HSD17B4: variants seen among roughly 807,000 people sequenced by gnomAD.
The protein encoded by HSD17B4 is peroxisomal multifunctional enzyme type 2.
In HSD17B4, 70 loss-of-function variants were observed where a neutral mutation model predicts 101.0. The observed-to-expected ratio is 0.69, with a 90% CI of 0.57 to 0.85. The LOEUF (loss-of-function observed/expected upper bound fraction) is 0.85. HSD17B4 is among the 40% of genes least tolerant of loss of function. The pLI, the probability that HSD17B4 is intolerant of heterozygous loss-of-function variation, is 0.00. For missense variants in HSD17B4, 984 were observed against 892.4 expected (o/e 1.10, Z -1.31); for synonymous variants, 347 against 297.1 (o/e 1.17, Z -1.73).
At chr5:119,533,959 A>G (rs1754333249) in intron 22 of HSD17B4, among the ~76,000 whole-genome samples, 1 of 151,922 alleles carries the variant, frequency 6.6e-6, no homozygotes, top group African/African-American at 2.4e-5. Context: ...TTTTAGGCAA[A>G]GACAATCCTA....
chr5:119,499,643 G>A (rs1396752783), intron 13 of HSD17B4, 90 bp downstream of exon 13: 1 of 727,070 alleles, frequency 1.4e-6, no homozygotes, highest in Non-Finnish European at 2.4e-6. Context: ...TGTGTGTAGT[G>A]TGTGTATATA....
At chr5:119,506,681 G>T (rs2126806011) in intron 14 of HSD17B4, 137 bp from the exon 15 acceptor site, 2 of 558,186 alleles carry the variant, frequency 3.6e-6, no homozygotes, top group East Asian at 6.9e-5. Flanking sequence ...AGCATCTGTT[G>T]TTCAGGAACA....
At chr5:119,500,710 A>C (rs1370833594) in intron 13 of HSD17B4, among the ~76,000 whole-genome samples, 2 of 152,228 alleles carry the variant, frequency 1.3e-5, no homozygotes, top group East Asian at 3.9e-4. Flanking sequence ...TTGAGAGGGT[A>C]AAGAGATACA....
At position 119,536,462 on chromosome 5, in the gene HSD17B4, G is replaced by A. The variant is rs1456658488; in HGVS notation, c.2033G>A (p.Gly678Asp). The change falls in exon 23 of 24, where the codon GGC (glycine) becomes GAC (aspartate). Residue 678 changes from glycine (G) to aspartate (D), a missense_variant. Transcript: ENST00000510025. ...AGTGGTTCTGGAAAAGTGTACCAAG[G>A]CCCTGCAAAAGGTGCTGCTGATACA... The part of the protein sequence containing the change: ...LKSGSGKVYQ[G>D]PAKGAADTTI... The A allele has an allele frequency of 2.5e-6, 4 of 1,612,166 alleles. No individual in the cohort carries two copies. Among genetic ancestry groups the A allele is most frequent in the Non-Finnish European group, 3.4e-6 (4 of 1,178,642 alleles).
chr5:119,496,351 T>A (rs1252314071), intron 11 of HSD17B4, among the ~76,000 whole-genome samples, 192 bp from the exon 12 acceptor site: 4 of 152,202 alleles, frequency 2.6e-5, no homozygotes, highest in Non-Finnish European at 5.9e-5. Flanking sequence ...GTCCATTTAT[T>A]TTTGGCCTAT....
At chr5:119,482,255 T>C (rs1267183060) in intron 8 of HSD17B4, among the ~76,000 whole-genome samples, 1 of 152,084 alleles carries the variant, frequency 6.6e-6, no homozygotes, top group Admixed American at 6.5e-5. Flanking sequence ...AGGTCACTGA[T>C]TTTTTCTTCA....
intron 15 of HSD17B4, among the ~76,000 whole-genome samples, 194 bp downstream of exon 15, chr5:119,507,083 C>G (rs1751720595): frequency 6.6e-6 from 1 of 152,064 alleles, no homozygotes; most frequent in African/African-American, 2.4e-5. Context: ...TGGGCTTAGG[C>G]TGGGAAGGGT....
intron 6 of HSD17B4, among the ~76,000 whole-genome samples, chr5:119,476,940 G>A (rs951913992): frequency 2.6e-5 from 4 of 152,112 alleles, no homozygotes; most frequent in Non-Finnish European, 5.9e-5. Flanking sequence ...TGGTCTGTTC[G>A]TTAGATTGAA....
At chr5:119,529,866 A>T (rs1456165959) in intron 20 of HSD17B4, 28 bp from the exon 21 acceptor site, 2 of 1,307,018 alleles carry the variant, frequency 1.5e-6, no homozygotes, top group African/African-American at 1.5e-5. Context: ...AATCAGAATA[A>T]ATCTTTTTTT....
intron 17 of HSD17B4, 48 bp downstream of exon 17, chr5:119,515,094 C>T (rs1752498341): frequency 9.9e-7 from 1 of 1,014,412 alleles, no homozygotes; most frequent in South Asian, 1.3e-5. Context: ...GTTGATGACA[C>T]TTTTTAATTT....
intron 16 of HSD17B4, among the ~76,000 whole-genome samples, chr5:119,513,914 T>G (rs928831832): frequency 1.3e-5 from 2 of 152,178 alleles, no homozygotes; most frequent in Admixed American, 6.5e-5. Context: ...GTACTCAGAA[T>G]TTTTTAATTT....
chr5:119,482,331 G>C (rs575877016), intron 8 of HSD17B4, among the ~76,000 whole-genome samples: 3 of 151,714 alleles, frequency 2.0e-5, no homozygotes, highest in Admixed American at 2.0e-4. Flanking sequence ...TTATCTCTCT[G>C]CTTAAAGTAA....
In HSD17B4 at chr5:119,513,479, A is replaced by C. The variant is rs39971; in HGVS notation, c.1438-1502A>C. Among the ~76,000 whole-genome samples, 4 of 151,904 alleles carry C rather than the reference A, an allele frequency of 2.6e-5. No homozygotes were observed. The East Asian group carries it at 7.7e-4, about 29-fold the overall frequency. On this transcript the variant is annotated intron_variant, in intron 16 of 23. Transcript: ENST00000510025. ...GCTCACTGCAGCCTCTGCCTCCCAGACTCAGGTGATCCTCCTGCCTCAGCC... is the reference window on the plus strand; with the variant it reads ...GCTCACTGCAGCCTCTGCCTCCCAGCCTCAGGTGATCCTCCTGCCTCAGCC...
At chr5:119,539,922 C>CACAA (rs1754844039) in intron 23 of HSD17B4, among the ~76,000 whole-genome samples, 1 of 105,848 alleles carries the variant, frequency 9.4e-6, no homozygotes, top group African/African-American at 3.8e-5. Flanking sequence ...CTGTCTCTAC[C>CACAA]AAAAAAAAAA....
chr5:119,464,463 G>A (rs1755600697), intron 2 of HSD17B4, among the ~76,000 whole-genome samples: 1 of 152,072 alleles, frequency 6.6e-6, no homozygotes, highest in African/African-American at 2.4e-5. Context: ...CCCCACATAT[G>A]TTCTTGGCAC....
intron 20 of HSD17B4, among the ~76,000 whole-genome samples, chr5:119,529,643 C>G (rs1753887241): frequency 2.6e-5 from 4 of 151,960 alleles, no homozygotes; most frequent in Admixed American, 1.3e-4. Flanking sequence ...CATAGGGTTT[C>G]TTTGTTTGTT....
rs577106658 is a variant in HSD17B4 at position 119,478,055 on chromosome 5, C to G, written c.434+554C>G. On this transcript the variant is annotated intron_variant, in intron 7 of 23. Transcript: ENST00000510025. ...ATACACATTGAGGATTCGGTTATAC[C>G]TTATTCTGTAACCCGAATATTATTT... is the stretch of plus-strand genomic sequence containing the variant. 68 of 159,030 alleles carry G rather than the reference C, an allele frequency of 4.3e-4. 1 individual carries two copies. The highest frequency in any genetic ancestry group is 1.6e-3 in the African/African-American group (65 of 41,580). The allele number at this position is 159,030 out of a possible 1,614,324, so 9.9% of individuals were successfully genotyped here.
chr5:119,477,943 G>A (rs968971210), intron 7 of HSD17B4: 3 of 180,320 alleles, frequency 1.7e-5, no homozygotes, highest in African/African-American at 4.8e-5. Flanking sequence ...GGTAGAGACA[G>A]TATCTCGTTT....
At chr5:119,525,435 A>G in intron 18 of HSD17B4, 150 bp downstream of exon 18, 2 of 675,386 alleles carry the variant, frequency 3.0e-6, no homozygotes, top group Non-Finnish European at 5.3e-6. Flanking sequence ...AAGGATATGG[A>G]AAGGTAGGAA....
Sources: allele counts gnomAD v4.1 joint callset (sites outside exome capture counted in the v4.1 genomes callset), GRCh38; gene constraint gnomAD v4.1.1; transcripts MANE v1.5; gene names NCBI Gene and HGNC (gene_info 2026-07-23, HGNC 2026-07-21).